KCNN2: variants seen among roughly 807,000 people sequenced by gnomAD.
KCNN2 encodes potassium calcium-activated channel subfamily N member 2.
Under a neutral mutation model 55.5 loss-of-function variants are expected in KCNN2, and 24 were observed. The ratio of observed to expected loss-of-function variants is 0.43; its 90% CI spans 0.31 to 0.61. The LOEUF (loss-of-function observed/expected upper bound fraction) is 0.61. KCNN2 is among the 20% of genes least tolerant of loss of function. KCNN2 has a pLI of 0.08. For synonymous variants in KCNN2, 431 were observed against 336.1 expected (o/e 1.28, Z -3.09); for missense variants, 754 against 853.6 (o/e 0.88, Z 1.45).
At chr5:114,249,449 G>A (rs1276833596) in intron 2 of KCNN2, among the ~76,000 whole-genome samples, 1 of 151,584 alleles carries the variant, frequency 6.6e-6, no homozygotes, top group Non-Finnish European at 1.5e-5. Context: ...ACTACACCCA[G>A]CTAATTTTTG....
At chr5:114,213,013 A>G (rs1305222333) in intron 1 of KCNN2, among the ~76,000 whole-genome samples, 1 of 151,968 alleles carries the variant, frequency 6.6e-6, no homozygotes, top group East Asian at 1.9e-4. Context: ...TACCCCTGTA[A>G]ATGAGATGCT....
At chr5:114,309,148 AT>A (rs1756347649) in intron 2 of KCNN2, among the ~76,000 whole-genome samples, 1 of 152,202 alleles carries the variant, frequency 6.6e-6, no homozygotes, top group Non-Finnish European at 1.5e-5. Flanking sequence ...TAGCAATTAT[AT>A]TTATTCACTT....
At chr5:114,291,003 G>A (rs1320983291) in intron 2 of KCNN2, among the ~76,000 whole-genome samples, 3 of 151,950 alleles carry the variant, frequency 2.0e-5, no homozygotes, top group African/African-American at 7.2e-5. Flanking sequence ...CTGACATATG[G>A]TCTATCCAGG....
At chr5:114,113,670 A>G (rs889780907) in intron 1 of KCNN2, among the ~76,000 whole-genome samples, 1 of 152,122 alleles carries the variant, frequency 6.6e-6, no homozygotes, top group African/African-American at 2.4e-5. Context: ...GGCAAAGGAA[A>G]GATTTTTTTA....
intron 2 of KCNN2, among the ~76,000 whole-genome samples, chr5:114,279,177 T>C (rs1449286759): frequency 2.0e-5 from 3 of 152,172 alleles, no homozygotes; most frequent in Non-Finnish European, 4.4e-5. Context: ...TCCTTTCTTC[T>C]CTTTCTCTTT....
chr5:114,473,824 A>G (rs1436261946), intron 5 of KCNN2, among the ~76,000 whole-genome samples: 3 of 152,182 alleles, frequency 2.0e-5, no homozygotes, highest in Admixed American at 6.5e-5. Context: ...AAGTGCTATT[A>G]TTCTGGCCAT....
chr5:114,172,719 G>T (rs1028424831), intron 1 of KCNN2, among the ~76,000 whole-genome samples: 1 of 151,046 alleles, frequency 6.6e-6, no homozygotes, highest in Non-Finnish European at 1.5e-5. Context: ...TCATATGCCT[G>T]TTTGACACTT....
intron 5 of KCNN2, chr5:114,486,617 G>A (rs1224166896): frequency 1.8e-6 from 1 of 564,426 alleles, no homozygotes; most frequent in African/African-American, 2.0e-5. Context: ...TGCCCTTCCA[G>A]TAGTGCACAG....
At chr5:114,123,870 G>T (rs904543836) in intron 1 of KCNN2, among the ~76,000 whole-genome samples, 19 of 152,082 alleles carry the variant, frequency 1.2e-4, no homozygotes, top group Non-Finnish European at 1.9e-4. Context: ...CAGCCACCTT[G>T]GTTTCTTGAT....
chr5:114,372,040 C>T (rs1018579434), intron 2 of KCNN2, among the ~76,000 whole-genome samples: 3 of 152,166 alleles, frequency 2.0e-5, no homozygotes, highest in Non-Finnish European at 4.4e-5. Context: ...AGCATATCAG[C>T]CTGTCAGAAT....
chr5:114,297,689 G>T (rs1020619364), intron 2 of KCNN2, among the ~76,000 whole-genome samples: 48 of 152,142 alleles, frequency 3.2e-4, no homozygotes, highest in African/African-American at 1.1e-3. Context: ...TTAAATAAAA[G>T]AGTGAAACAA....
intron 1 of KCNN2, among the ~76,000 whole-genome samples, chr5:114,131,456 A>C (rs1433512973): frequency 6.6e-6 from 1 of 152,156 alleles, no homozygotes; most frequent in South Asian, 2.1e-4. Context: ...AAAGTACATA[A>C]TCTAGTTCTT....
chr5:114,486,972 G>A, intron 5 of KCNN2, 78 bp from the exon 6 acceptor site: 1 of 1,512,912 alleles, frequency 6.6e-7, no homozygotes, highest in Non-Finnish European at 9.1e-7. Context: ...TCCTTGGGAT[G>A]AAGACTATGA....
At chr5:114,260,819 A>G (rs947445991) in intron 2 of KCNN2, among the ~76,000 whole-genome samples, 4 of 152,150 alleles carry the variant, frequency 2.6e-5, no homozygotes, top group Non-Finnish European at 4.4e-5. Flanking sequence ...TTTCATTTGC[A>G]TATGTAAAAT....
At chr5:114,072,753 G>A (rs1178493402) in intron 1 of KCNN2, among the ~76,000 whole-genome samples, 1 of 152,166 alleles carries the variant, frequency 6.6e-6, no homozygotes, top group Non-Finnish European at 1.5e-5. Flanking sequence ...TTTTGGACTT[G>A]GGAATTTCTG....
At chr5:114,286,816 T>C (rs1280532374) in intron 2 of KCNN2, among the ~76,000 whole-genome samples, 3 of 152,174 alleles carry the variant, frequency 2.0e-5, no homozygotes, top group East Asian at 3.9e-4. Flanking sequence ...CATTTACTGA[T>C]ATAGAAAGTC....
intron 1 of KCNN2, among the ~76,000 whole-genome samples, chr5:114,194,086 G>A (rs1384067130): frequency 6.6e-6 from 1 of 151,714 alleles, no homozygotes; most frequent in Non-Finnish European, 1.5e-5. Flanking sequence ...AGTCACTTAG[G>A]TTTTTTCTAC....
intron 1 of KCNN2, among the ~76,000 whole-genome samples, chr5:114,062,113 T>A (rs902082747): frequency 2.0e-5 from 3 of 151,926 alleles, no homozygotes; most frequent in African/African-American, 4.8e-5. Context: ...TTTTTTTTTT[T>A]ATAAAATTTA....
At chr5:114,454,673 T>C (rs1282577102) in intron 3 of KCNN2, among the ~76,000 whole-genome samples, 1 of 152,224 alleles carries the variant, frequency 6.6e-6, no homozygotes, top group African/African-American at 2.4e-5. Flanking sequence ...GGCTGGGCCC[T>C]AAGTCTCTGA....
Sources: allele counts gnomAD v4.1 joint callset (sites outside exome capture counted in the v4.1 genomes callset), GRCh38; gene constraint gnomAD v4.1.1; transcripts MANE v1.5; gene names NCBI Gene and HGNC (gene_info 2026-07-23, HGNC 2026-07-21).